The following FYB1 variants were observed in gnomAD, a reference collection of about 807,000 sequenced individuals.
FYB1 encodes the protein FYN-binding protein 1.
FYB1 carries 41 observed loss-of-function variants against 94.1 expected under a neutral mutation model. That is an observed-to-expected ratio of 0.44 (90% CI 0.34 to 0.57). The LOEUF is 0.57. FYB1 is among the 20% of genes least tolerant of loss of function. The pLI is 0.02. For missense variants in FYB1, 1,050 were observed against 976.8 expected (o/e 1.07, Z -1.00); for synonymous variants, 367 against 353.2 (o/e 1.04, Z -0.44).
chr5:39,181,554 G>A (rs186969195), intron 2 of FYB1, among the ~76,000 whole-genome samples: 31 of 152,288 alleles, frequency 2.0e-4, no homozygotes, highest in African/African-American at 7.5e-4. Context: ...TGAAGCTCCT[G>A]TGAGCTCTGG....
intron 1 of FYB1, among the ~76,000 whole-genome samples, chr5:39,264,677 T>C (rs1752354719): frequency 6.6e-6 from 1 of 152,158 alleles, no homozygotes; most frequent in Non-Finnish European, 1.5e-5. Flanking sequence ...TCATTCTCAC[T>C]TTTTGGTGTA....
chr5:39,236,038 A>G (rs1433517998), intron 1 of FYB1, among the ~76,000 whole-genome samples: 1 of 151,964 alleles, frequency 6.6e-6, no homozygotes, highest in Non-Finnish European at 1.5e-5. Context: ...ACAGTATTGG[A>G]CAGTACAGGA....
intron 2 of FYB1, among the ~76,000 whole-genome samples, chr5:39,175,556 G>A (rs1745644847): frequency 6.6e-6 from 1 of 152,200 alleles, no homozygotes. Context: ...TAGAAACGCT[G>A]CTGTGTAATT....
chr5:39,164,662 G>A (rs1252205479), intron 2 of FYB1, among the ~76,000 whole-genome samples: 2 of 152,108 alleles, frequency 1.3e-5, no homozygotes, highest in East Asian at 3.9e-4. Flanking sequence ...TGAACTACCT[G>A]CTTCAGTCTC....
chr5:39,162,045 C>T (rs1744293345), intron 2 of FYB1, among the ~76,000 whole-genome samples: 2 of 152,196 alleles, frequency 1.3e-5, no homozygotes, highest in African/African-American at 4.8e-5. Context: ...ATGGCTGAAT[C>T]ATATTTCATC....
chr5:39,253,367 G>A (rs572944923), intron 1 of FYB1, among the ~76,000 whole-genome samples: 1 of 131,670 alleles, frequency 7.6e-6, no homozygotes, highest in Non-Finnish European at 1.5e-5. Flanking sequence ...TATAAACACT[G>A]CCAAAAGCCA....
rs1748349876 is a variant in FYB1, at chr5:39,201,901, C to A, written c.1060G>T (p.Gly354Cys). Residue 354 changes from glycine to cysteine, a missense_variant, in exon 2 of 19, where the codon GGT (glycine) becomes TGT (cysteine). Physicochemically the swap from Gly to Cys is radical, Grantham distance 159. Transcript: ENST00000512982. ...QKPLPPLFTL[G>C]PPPPKPNRPP... ...CTGTTGGGTTTTGGTGGAGGTGGAC[C>A]CAAGGTAAACAAGGGAGGCAATGGC... The A allele has an allele frequency of 1.2e-6, 2 of 1,613,942 alleles. No homozygotes were observed. The highest frequency in any genetic ancestry group is 1.7e-6 in the Non-Finnish European group (2 of 1,179,880).
chr5:39,137,325 G>C (rs768777339), intron 7 of FYB1: 8 of 286,750 alleles, frequency 2.8e-5, no homozygotes, highest in Non-Finnish European at 4.6e-5. Flanking sequence ...AGACAAGATG[G>C]GTTTGAAAAG....
At chr5:39,119,938 T>C (rs1215658729) in intron 14 of FYB1, among the ~76,000 whole-genome samples, 2 of 152,126 alleles carry the variant, frequency 1.3e-5, no homozygotes, top group East Asian at 1.9e-4. Context: ...CAGTTTCATA[T>C]GACTTAATCT....
intron 17 of FYB1, among the ~76,000 whole-genome samples, chr5:39,109,681 T>C (rs1738873600): frequency 6.6e-6 from 1 of 152,146 alleles, no homozygotes; most frequent in South Asian, 2.1e-4. Flanking sequence ...ATTCTGTAAA[T>C]CTTTGCATTG....
intron 2 of FYB1, among the ~76,000 whole-genome samples, chr5:39,182,166 T>C (rs1270252419): frequency 6.6e-6 from 1 of 152,194 alleles, no homozygotes. Context: ...CATTTTTTAT[T>C]GCTTTTCCCT....
chr5:39,226,773 T>A (rs931169070), intron 1 of FYB1, among the ~76,000 whole-genome samples: 1 of 152,182 alleles, frequency 6.6e-6, no homozygotes, highest in East Asian at 1.9e-4. Flanking sequence ...CCAGATTTAG[T>A]AGGTTTAGGG....
At chr5:39,268,478 C>T (rs1160373212) in intron 1 of FYB1, among the ~76,000 whole-genome samples, 1 of 152,116 alleles carries the variant, frequency 6.6e-6, no homozygotes, top group Non-Finnish European at 1.5e-5. Context: ...GTAATCCTCC[C>T]ACTTTGACCT....
intron 1 of FYB1, among the ~76,000 whole-genome samples, chr5:39,228,918 T>C (rs1642523): frequency 0.17 from 25,657 of 152,142 alleles, 5,776 homozygotes; most frequent in African/African-American, 0.5. Context: ...CTAAATACAG[T>C]TTTCTCTCAC....
chr5:39,142,494 C>A (rs1030060331), intron 3 of FYB1, among the ~76,000 whole-genome samples: 9 of 152,164 alleles, frequency 5.9e-5, no homozygotes, highest in Admixed American at 4.6e-4. Context: ...CCATTGATTA[C>A]CCCCTTTCTT....
chr5:39,264,522 C>T (rs1752348454), intron 1 of FYB1, among the ~76,000 whole-genome samples: 1 of 152,220 alleles, frequency 6.6e-6, no homozygotes, highest in Non-Finnish European at 1.5e-5. Context: ...ATAAAGCCAT[C>T]TCTTGTCACT....
upstream of FYB1, among the ~76,000 whole-genome samples, chr5:39,219,991 C>T (rs145544425): frequency 1.1e-3 from 162 of 152,232 alleles, no homozygotes; most frequent in Non-Finnish European, 1.7e-3. Context: ...TGTGCTTGAC[C>T]ATATCAACTG....
intron 1 of FYB1, among the ~76,000 whole-genome samples, chr5:39,238,431 T>C (rs1751063570): frequency 6.6e-6 from 1 of 152,026 alleles, no homozygotes; most frequent in South Asian, 2.1e-4. Context: ...AATCCCCCAG[T>C]TATAACTTGG....
intron 3 of FYB1, among the ~76,000 whole-genome samples, chr5:39,146,597 A>G (rs1272454793): frequency 1.3e-5 from 2 of 152,192 alleles, no homozygotes; most frequent in African/African-American, 4.8e-5. Context: ...TTAAATCAAA[A>G]AGACCACCAG....
Sources: allele counts gnomAD v4.1 joint callset (sites outside exome capture counted in the v4.1 genomes callset), GRCh38; gene constraint gnomAD v4.1.1; transcripts MANE v1.5; gene names NCBI Gene and HGNC (gene_info 2026-07-23, HGNC 2026-07-21).